Variants in TPR observed in about 807,000 individuals in gnomAD.
TPR encodes the protein translocated promoter region, nuclear basket protein, also known as nucleoprotein TPR.
TPR carries 51 observed loss-of-function variants against 316.1 expected under a neutral mutation model. The ratio of observed to expected loss-of-function variants is 0.16; its 90% confidence interval spans 0.13 to 0.20. The LOEUF (loss-of-function observed/expected upper bound fraction) is 0.20, where lower values mean the gene tolerates loss of function less well. TPR is among the 10% of genes least tolerant of loss of function. The probability of loss-of-function intolerance (pLI) is 1.00; values close to 1 mark genes in which losing one functional copy is unlikely to be tolerated. For synonymous variants in TPR, 981 were observed against 914.7 expected (o/e 1.07, Z -1.31); for missense variants, 2,272 against 2,754.8 (o/e 0.82, Z 3.92).
Position 186,355,321 on chromosome 1 carries a change from C to G in TPR, c.2171+89G>C, listed in dbSNP as rs538979849. On this transcript the variant is annotated intron_variant, in intron 17 of 50. Transcript: ENST00000367478. Reference sequence around the variant, plus strand: ...AACACAGTTCACAAAAAAAGCAACACTATTGCAAATTAGCTCTTGAATTTA... The same window carrying G: ...AACACAGTTCACAAAAAAAGCAACAGTATTGCAAATTAGCTCTTGAATTTA... 317 of 1,401,612 alleles carry G rather than the reference C, an allele frequency of 2.3e-4. 2 individuals are homozygous for G. The South Asian group carries it at 3.8e-3, about 17-fold the overall frequency. 86.8% of individuals were successfully genotyped at this position (1,401,612 alleles called of 1,614,324 possible). A position where few individuals can be genotyped will look rare whatever the true frequency, so the allele number is the denominator to read the frequency against.
intron 43 of TPR, chr1:186,322,817 A>AATT (rs1657809030): frequency 2.0e-6 from 1 of 498,696 alleles, no homozygotes; most frequent in Non-Finnish European, 3.6e-6. Flanking sequence ...CCAACAGACC[A>AATT]ATTATTAACC....
intron 31 of TPR, 53 bp from the exon 32 acceptor site, chr1:186,337,209 AT>A: frequency 6.5e-7 from 1 of 1,534,750 alleles, no homozygotes; most frequent in Non-Finnish European, 8.8e-7. Flanking sequence ...CAGTAATTCC[AT>A]TTCTGCAAGT....
Position 186,338,018 on chromosome 1 carries a change from G to C in TPR, c.4362+15C>G, listed in dbSNP as rs755702070. 1.3e-6 allele frequency: 2 copies of C among 1,545,986 alleles called. No homozygotes were observed. The highest frequency in any genetic ancestry group is 1.7e-6 in the Non-Finnish European group (2 of 1,154,732). ...ATCCTAGTTTTTTTTTGTAAGATAA[G>C]TTTCTTCAAAATACCTTATCCTGTT... On this transcript the variant is annotated intron_variant, in intron 31 of 50. Transcript: ENST00000367478.
At chr1:186,343,837 T>G in intron 26 of TPR, 69 bp downstream of exon 26, 2 of 1,306,734 alleles carry the variant, frequency 1.5e-6, no homozygotes, top group Non-Finnish European at 2.1e-6. Context: ...CCTTCTCTAA[T>G]TTATATATTT....
Position 186,318,615 on chromosome 1 carries a change from C to T in TPR, c.6665-12G>A. 1 of 1,604,182 alleles carries T rather than the reference C, an allele frequency of 6.2e-7. No homozygotes were observed. The highest frequency in any genetic ancestry group is 8.5e-7 in the Non-Finnish European group (1 of 1,177,190). On this transcript the variant is annotated splice_polypyrimidine_tract_variant and intron_variant, in intron 47 of 50. Transcript: ENST00000367478. ...AGTAAATACAGTCACTTTAAAAAGACAACACAAGAAAAAGAACTTTAAAAC... is the reference window on the plus strand; with the variant it reads ...AGTAAATACAGTCACTTTAAAAAGATAACACAAGAAAAAGAACTTTAAAAC...
In TPR at chr1:186,351,394, G is replaced by T; in HGVS notation, c.2546C>A (p.Ser849Tyr). The stretch of plus-strand genomic sequence containing the variant: ...ATTTTCCAACTTCTTCTTTAGATGA[G>T]AGATCTCATGTTCCAGTTTTTCTAT... ...SQIEKLEHEI[S>Y]HLKKKLENEV... Residue 849 changes from serine (S) to tyrosine (Y), a missense_variant, in exon 20 of 51, where the codon TCT becomes TAT. Ser to Tyr is a moderately radical substitution (Grantham distance 144, BLOSUM62 -2). Transcript: ENST00000367478. The T allele has an allele frequency of 6.2e-7, 1 of 1,612,456 alleles. No individual in the cohort carries two copies. Among genetic ancestry groups the T allele is most frequent in the African/African-American group, 1.3e-5 (1 of 74,978 alleles).
rs748090430 is a variant in TPR at position 186,374,926 on chromosome 1, C to G, written c.103G>C (p.Glu35Gln). 6.2e-7 allele frequency: 1 copy of G among 1,606,490 alleles called. No homozygotes were observed. Among genetic ancestry groups the G allele is most frequent in the Non-Finnish European group, 8.5e-7 (1 of 1,173,710 alleles). Residue 35 changes from glutamate (E) to glutamine (Q), a missense_variant, in exon 1 of 51, where the codon GAG becomes CAG. Around this residue, in one of 10 missense-constraint regions of TPR, gnomAD observed 549 missense variants for 598.6 expected, o/e 0.92. Coordinates refer to ENST00000367478, the MANE Select transcript of TPR (RefSeq NM_003292.3). Reference sequence around the variant, plus strand: ...TGCCGCCCCTTCAGGCCATCGATCTCGGATTGCTGATCAGCAAGGAACTTT... The same window carrying G: ...TGCCGCCCCTTCAGGCCATCGATCTGGGATTGCTGATCAGCAAGGAACTTT... ...LEKFLADQQSEIDGLKGRHEK... is the reference protein window; with the variant it reads ...LEKFLADQQSQIDGLKGRHEK...
intron 49 of TPR, among the ~76,000 whole-genome samples, chr1:186,315,229 C>T (rs768452132): frequency 7.1e-6 from 1 of 141,314 alleles, no homozygotes; most frequent in Non-Finnish European, 1.5e-5. Context: ...AACAAACAAA[C>T]AAAAAAAAAA....
chr1:186,322,541 A>G lies in TPR; in HGVS notation c.6343T>C (p.Leu2115=), dbSNP rs760265822. The change falls in exon 44 of 51, where the codon TTG becomes CTG. Residue 2115 remains leucine, a synonymous_variant. Coordinates refer to ENST00000367478, the MANE Select transcript of TPR (RefSeq NM_003292.3). Reference sequence around the variant, plus strand: ...ACCATGCCACCTATTCCTGGAGTCAACTGAAGGCCACGTCCTACAGACTGC... The same window carrying G: ...ACCATGCCACCTATTCCTGGAGTCAGCTGAAGGCCACGTCCTACAGACTGC... ...RRQSVGRGLQ[L]TPGIGGMQQH... 8 of 1,614,116 alleles carry G rather than the reference A, an allele frequency of 5.0e-6. No individual in the cohort carries two copies. Among genetic ancestry groups the G allele is most frequent in the East Asian group, 2.2e-5 (1 of 44,862 alleles).
chr1:186,317,663 A>G, intron 48 of TPR, 63 bp from the exon 49 acceptor site: 1 of 1,433,166 alleles, frequency 7.0e-7, no homozygotes, highest in South Asian at 1.2e-5. Context: ...AATTATATCC[A>G]CTCTTTTAAA....
chr1:186,328,362 C>G (rs1658061386), intron 39 of TPR, among the ~76,000 whole-genome samples: 1 of 151,920 alleles, frequency 6.6e-6, no homozygotes, highest in Non-Finnish European at 1.5e-5. Flanking sequence ...ACCAATATAT[C>G]CAAAATATTA....
chr1:186,327,789 T>C (rs1658046346), intron 39 of TPR, 129 bp from the exon 40 acceptor site: 8 of 575,440 alleles, frequency 1.4e-5, no homozygotes, highest in Non-Finnish European at 2.1e-5. Flanking sequence ...TTTAATTTAA[T>C]TTTTTTTTTT....
chr1:186,364,563 A>G (rs1659281938), intron 4 of TPR, among the ~76,000 whole-genome samples: 1 of 152,204 alleles, frequency 6.6e-6, no homozygotes, highest in South Asian at 2.1e-4. Context: ...AGGTAAAGCA[A>G]AGTTATTATA....
chr1:186,363,491 A>G, intron 4 of TPR, 46 bp from the exon 5 acceptor site: 1 of 1,264,256 alleles, frequency 7.9e-7, no homozygotes, highest in South Asian at 1.3e-5. Context: ...ATTAACACTC[A>G]GGGGAACCAA....
At position 186,362,343 on chromosome 1, in the gene TPR, G is replaced by A. The variant is rs1277439676; in HGVS notation, c.734C>T (p.Thr245Ile). 6.2e-7 allele frequency: 1 copy of A among 1,612,108 alleles called. No individual in the cohort carries two copies. The highest frequency in any genetic ancestry group is 2.2e-5 in the East Asian group (1 of 44,720). Residue 245 changes from threonine (T) to isoleucine (I), a missense_variant, in exon 7 of 51, where the codon ACA becomes ATA. Around this residue, in one of 10 missense-constraint regions of TPR, gnomAD observed 549 missense variants for 598.6 expected, o/e 0.92. Coordinates refer to ENST00000367478, the MANE Select transcript of TPR (RefSeq NM_003292.3). ...ATGCTTTTGAAGATGTTCATTTGAT[G>A]TTTTTAAGCCATTCATTTGTTCTTC... Reference protein sequence around the residue: ...RLEEQMNGLKTSNEHLQKHVE... With the variant: ...RLEEQMNGLKISNEHLQKHVE...
intron 2 of TPR, among the ~76,000 whole-genome samples, chr1:186,372,343 A>ACCAG (rs1216910348): frequency 6.6e-6 from 1 of 152,220 alleles, no homozygotes; most frequent in Non-Finnish European, 1.5e-5. Context: ...GGAGTTCAAG[A>ACCAG]CCAGCCTGGC....
At chr1:186,352,613 C>G (rs1388974132) in intron 18 of TPR, among the ~76,000 whole-genome samples, 1 of 152,182 alleles carries the variant, frequency 6.6e-6, no homozygotes, top group Non-Finnish European at 1.5e-5. Context: ...TATTTACACA[C>G]AAGTACTCAT....
At chr1:186,327,382 A>G in intron 40 of TPR, 78 bp downstream of exon 40, 1 of 1,304,110 alleles carries the variant, frequency 7.7e-7, no homozygotes, top group Non-Finnish European at 1.1e-6. Context: ...ATTTACAGCC[A>G]ATGCATTAGT....
intron 20 of TPR, 49 bp from the exon 21 acceptor site, chr1:186,350,437 A>T (rs1461894937): frequency 2.2e-6 from 3 of 1,367,196 alleles, no homozygotes; most frequent in Non-Finnish European, 2.9e-6. Flanking sequence ...CTAAGTAACT[A>T]AAGGTTCAAA....
Sources: gnomAD v4.1 joint callset for allele counts (sites outside exome capture counted in the v4.1 genomes callset) on GRCh38, gnomAD v4.1.1 for gene constraint, gnomAD v4.1.1 regional missense constraint, MANE v1.5 for transcripts, NCBI Gene and HGNC (gene_info 2026-07-23, HGNC 2026-07-21) for gene names.